Variants in AK3 observed in about 807,000 individuals in gnomAD.
The protein encoded by AK3 is adenylate kinase 3, also known as GTP:AMP phosphotransferase AK3, mitochondrial.
Under a neutral mutation model 23.7 loss-of-function variants are expected in AK3, and 27 were observed. The observed-to-expected ratio is 1.14, with a 90% CI of 0.84 to 1.57. The LOEUF (loss-of-function observed/expected upper bound fraction) is 1.57. AK3 is among the 40% of genes most tolerant of loss of function. The probability of loss-of-function intolerance (pLI) is 0.00; values close to 1 mark genes in which losing one functional copy is unlikely to be tolerated. For synonymous variants in AK3, 159 were observed against 116.0 expected (o/e 1.37, Z -2.38); for missense variants, 406 against 285.6 (o/e 1.42, Z -3.04).
chr9:4,718,879 G>A (rs774337535), intron 3 of AK3, among the ~76,000 whole-genome samples: 2 of 152,126 alleles, frequency 1.3e-5, no homozygotes, highest in Admixed American at 6.5e-5. Flanking sequence ...CTCTATCAGC[G>A]CAACTCCTAA....
intron 1 of AK3, 87 bp downstream of exon 1, chr9:4,740,850 G>A: frequency 1.5e-6 from 2 of 1,338,868 alleles, no homozygotes; most frequent in Non-Finnish European, 1.9e-6. Context: ...CCGCAGCCAG[G>A]GACCCGCGTG....
intron 2 of AK3, among the ~76,000 whole-genome samples, chr9:4,721,961 G>A (rs1293992337): frequency 2.0e-5 from 3 of 152,198 alleles, no homozygotes; most frequent in Non-Finnish European, 2.9e-5. Flanking sequence ...GTGCGAAGGT[G>A]GGTGAATGGG....
chr9:4,727,290 G>T (rs913708496), intron 1 of AK3, among the ~76,000 whole-genome samples: 5 of 152,178 alleles, frequency 3.3e-5, no homozygotes, highest in Admixed American at 6.5e-5. Context: ...TCCAGCAATG[G>T]AAGTCCTAGA....
At chr9:4,715,013 G>T (rs1459386808) in intron 4 of AK3, among the ~76,000 whole-genome samples, 2 of 152,148 alleles carry the variant, frequency 1.3e-5, no homozygotes, top group Admixed American at 6.5e-5. Flanking sequence ...GAGGTCAGGA[G>T]TTCAAGACCA....
chr9:4,737,614 G>A (rs948987983), intron 1 of AK3, among the ~76,000 whole-genome samples: 1 of 152,176 alleles, frequency 6.6e-6, no homozygotes, highest in Non-Finnish European at 1.5e-5. Flanking sequence ...CCTGAGTTCG[G>A]AAGCTGAAGC....
chr9:4,723,575 C>T (rs954112025), intron 1 of AK3, among the ~76,000 whole-genome samples: 1 of 152,216 alleles, frequency 6.6e-6, no homozygotes, highest in African/African-American at 2.4e-5. Context: ...CCTTACCAAA[C>T]TATTTCTACA....
chr9:4,721,416 A>T (rs1436259698), intron 2 of AK3, among the ~76,000 whole-genome samples: 1 of 125,076 alleles, frequency 8.0e-6, no homozygotes, highest in Admixed American at 7.9e-5. Flanking sequence ...TAAAAAAAAA[A>T]AAAAAGTGCC....
chr9:4,718,775 C>G (rs1841807030), intron 3 of AK3, among the ~76,000 whole-genome samples: 1 of 152,152 alleles, frequency 6.6e-6, no homozygotes, highest in East Asian at 1.9e-4. Flanking sequence ...GTTTTCTAAG[C>G]AGCCTCTAAG....
intron 4 of AK3, among the ~76,000 whole-genome samples, chr9:4,713,695 C>A (rs1043341408): frequency 6.6e-6 from 1 of 152,122 alleles, no homozygotes; most frequent in Non-Finnish European, 1.5e-5. Context: ...TTCCTATTGA[C>A]TGTCTTCATT....
At chr9:4,721,536 C>T (rs964739001) in intron 2 of AK3, among the ~76,000 whole-genome samples, 8 of 151,716 alleles carry the variant, frequency 5.3e-5, no homozygotes, top group South Asian at 2.1e-4. Context: ...CTCGGTTCAC[C>T]GCAGCCTCTG....
chr9:4,728,337 G>A (rs1237020374), intron 1 of AK3, among the ~76,000 whole-genome samples: 4 of 152,110 alleles, frequency 2.6e-5, no homozygotes, highest in African/African-American at 7.2e-5. Flanking sequence ...TTGGGAGGCC[G>A]AGGCAGGCGC....
intron 1 of AK3, among the ~76,000 whole-genome samples, chr9:4,728,105 A>T (rs1842059634): frequency 6.6e-6 from 1 of 152,234 alleles, no homozygotes; most frequent in African/African-American, 2.4e-5. Flanking sequence ...AATAATGAAA[A>T]TATTTTAAAT....
chr9:4,722,885 A>C (rs1355091460), intron 1 of AK3, among the ~76,000 whole-genome samples: 1 of 152,134 alleles, frequency 6.6e-6, no homozygotes, highest in African/African-American at 2.4e-5. Context: ...GGTGAAACCC[A>C]GTCTCTACAG....
intron 1 of AK3, among the ~76,000 whole-genome samples, chr9:4,739,443 C>G (rs1015446277): frequency 1.3e-5 from 2 of 150,708 alleles, no homozygotes; most frequent in African/African-American, 4.9e-5. Flanking sequence ...ATCCGCCCGC[C>G]TTGACCTCAC....
intron 2 of AK3, among the ~76,000 whole-genome samples, chr9:4,721,643 G>A (rs1166231316): frequency 6.6e-6 from 1 of 152,044 alleles, no homozygotes; most frequent in African/African-American, 2.4e-5. Context: ...ATTTTTAGTA[G>A]AGATGGAGTT....
At chr9:4,740,770 G>C (rs377642074) in intron 1 of AK3, among the ~76,000 whole-genome samples, 167 bp downstream of exon 1, 4 of 152,328 alleles carry the variant, frequency 2.6e-5, no homozygotes, top group Admixed American at 1.3e-4. Context: ...ACGGAGGCCG[G>C]AGGTTTTGGG....
At chr9:4,719,448 G>A (rs954163102) in intron 2 of AK3, 141 bp from the exon 3 acceptor site, 5 of 779,510 alleles carry the variant, frequency 6.4e-6, no homozygotes, top group Non-Finnish European at 1.0e-5. Flanking sequence ...TCACCAGGCA[G>A]GCCGATCACA....
At chr9:4,729,086 C>T (rs1363716763) in intron 1 of AK3, among the ~76,000 whole-genome samples, 2 of 149,316 alleles carry the variant, frequency 1.3e-5, no homozygotes, top group African/African-American at 4.9e-5. Context: ...TCTTGGCTCA[C>T]TGCAACCTCT....
chr9:4,719,092 C>T, intron 3 of AK3, 43 bp downstream of exon 3: 5 of 1,607,056 alleles, frequency 3.1e-6, no homozygotes, highest in Non-Finnish European at 4.3e-6. Flanking sequence ...CAAGAGGACT[C>T]AGGGACAGTC....
Sources: allele counts gnomAD v4.1 joint callset (sites outside exome capture counted in the v4.1 genomes callset), GRCh38; gene constraint gnomAD v4.1.1; transcripts MANE v1.5; gene names NCBI Gene and HGNC (gene_info 2026-07-23, HGNC 2026-07-21).